Variants in KAZN observed in about 807,000 individuals in gnomAD.
KAZN encodes kazrin.
A neutral mutation model predicts 87.4 loss-of-function variants in KAZN; 40 were observed. The observed-to-expected ratio is 0.46, with a 90% CI of 0.36 to 0.60. KAZN has a LOEUF of 0.60. Among genes scored for constraint, KAZN ranks in the 20% least tolerant of loss-of-function variants. KAZN has a pLI of 0.00. For missense variants in KAZN, 898 were observed against 1,073.9 expected, an observed-to-expected ratio of 0.84 and a Z score of 2.29; for synonymous variants, 466 against 458.3, an observed-to-expected ratio of 1.02 and a Z score of -0.22.
chr1:14,086,784 G>A lies in KAZN; in HGVS notation c.92-93651G>A, dbSNP rs1000549120. On this transcript the variant is annotated intron_variant, in intron 1 of 16. Coordinates refer to the KAZN transcript ENST00000636203. ...TCTAGATACGGATATCCAATTGTTC[G>A]AGGATAATTTATTTAAAAGATTATC... Among the ~76,000 whole-genome samples, 20 of 152,188 alleles carry A rather than the reference G, an allele frequency of 1.3e-4. 2 individuals carry two copies. In the South Asian group the frequency reaches 3.5e-3, roughly 27 times the overall value.
intron 2 of KAZN, among the ~76,000 whole-genome samples, chr1:14,304,380 C>T (rs1196942384): frequency 1.3e-5 from 2 of 152,170 alleles, no homozygotes; most frequent in Non-Finnish European, 2.9e-5. Context: ...GAGAAAAGGA[C>T]TTACCCCAGC....
At chr1:15,019,243 C>A (rs1172202722) in intron 2 of KAZN, among the ~76,000 whole-genome samples, 1 of 152,208 alleles carries the variant, frequency 6.6e-6, no homozygotes, top group African/African-American at 2.4e-5. Context: ...CCAGCATCTG[C>A]CCCAGCCTTG....
intron 1 of KAZN, among the ~76,000 whole-genome samples, chr1:14,654,569 T>C (rs7530335): frequency 0.6 from 91,573 of 151,864 alleles, 27,852 homozygotes; most frequent in African/African-American, 0.65. Flanking sequence ...CACCCCAGCC[T>C]CCCACATTTC....
chr1:15,098,419 T>C (rs1386575561), intron 10 of KAZN, among the ~76,000 whole-genome samples: 1 of 152,240 alleles, frequency 6.6e-6, no homozygotes, highest in African/African-American at 2.4e-5. Flanking sequence ...ACATTAATTG[T>C]GGGCATGCAG....
At chr1:14,895,308 G>A (rs1274200753) in intron 1 of KAZN, among the ~76,000 whole-genome samples, 1 of 152,248 alleles carries the variant, frequency 6.6e-6, no homozygotes, top group Non-Finnish European at 1.5e-5. Context: ...TGCAGGATCT[G>A]GGCAACTCTG....
At chr1:14,514,617 A>ATTTTATATATTTTTTTATATTT (rs1557770547) in intron 2 of KAZN, among the ~76,000 whole-genome samples, 11 of 48,306 alleles carry the variant, frequency 2.3e-4, no homozygotes, top group African/African-American at 8.4e-4. Context: ...ATATATATAT[A>ATTTTATATATTTTTTTATATTT]TATATATATA....
chr1:13,937,016 C>A (rs1198634980), intron 1 of KAZN, among the ~76,000 whole-genome samples: 1 of 150,220 alleles, frequency 6.7e-6, no homozygotes, highest in Non-Finnish European at 1.5e-5. Flanking sequence ...TGAAAAATGT[C>A]CATTCATGTT....
chr1:14,706,274 T>C (rs1642203530), intron 1 of KAZN, among the ~76,000 whole-genome samples: 1 of 152,050 alleles, frequency 6.6e-6, no homozygotes, highest in Admixed American at 6.5e-5. Flanking sequence ...TACAATATAA[T>C]AATAATAAAG....
intron 1 of KAZN, among the ~76,000 whole-genome samples, chr1:14,874,850 A>AG (rs1652576703): frequency 6.6e-6 from 1 of 152,078 alleles, no homozygotes; most frequent in South Asian, 2.1e-4. Context: ...AGAAAATGAG[A>AG]GGAAAAAAAA....
intron 8 of KAZN, among the ~76,000 whole-genome samples, chr1:15,075,661 C>T (rs926017284): frequency 1.3e-5 from 2 of 152,166 alleles, no homozygotes; most frequent in Non-Finnish European, 2.9e-5. Flanking sequence ...AGGTGACAGA[C>T]ACCAGGTCAG....
intron 2 of KAZN, among the ~76,000 whole-genome samples, chr1:14,254,150 T>TA (rs1483110552): frequency 6.6e-6 from 1 of 152,218 alleles, no homozygotes; most frequent in Non-Finnish European, 1.5e-5. Context: ...GAGGAAGTTT[T>TA]ATTCTCATAC....
At chr1:14,666,039 TA>T (rs940830211) in intron 1 of KAZN, among the ~76,000 whole-genome samples, 139 of 144,676 alleles carry the variant, frequency 9.6e-4, no homozygotes, top group East Asian at 2.6e-3. Context: ...CCTTGGAATT[TA>T]AAAAAAAAAA....
At chr1:14,549,810 C>G (rs1673396160) in intron 2 of KAZN, among the ~76,000 whole-genome samples, 1 of 152,072 alleles carries the variant, frequency 6.6e-6, no homozygotes. Context: ...AAAAACCATG[C>G]CTCTTGGATG....
intron 1 of KAZN, among the ~76,000 whole-genome samples, chr1:14,123,356 C>G (rs558676943): frequency 6.6e-6 from 1 of 152,296 alleles, no homozygotes; most frequent in South Asian, 2.1e-4. Context: ...TGGTTGTCTC[C>G]AACAGCTGTC....
At chr1:14,075,996 T>A (rs891749915) in intron 1 of KAZN, among the ~76,000 whole-genome samples, 1 of 152,074 alleles carries the variant, frequency 6.6e-6, no homozygotes, top group African/African-American at 2.4e-5. Flanking sequence ...GAAAGGGAAA[T>A]GTAGACTGGG....
At chr1:14,135,445 G>C (rs1468827921) in intron 1 of KAZN, among the ~76,000 whole-genome samples, 1 of 152,138 alleles carries the variant, frequency 6.6e-6, no homozygotes, top group Non-Finnish European at 1.5e-5. Flanking sequence ...GCTCTCCAGG[G>C]AATAAAAATT....
intron 1 of KAZN, among the ~76,000 whole-genome samples, chr1:14,128,782 T>G (rs947002958): frequency 6.6e-6 from 1 of 152,150 alleles, no homozygotes. Flanking sequence ...TTTTTGTCTT[T>G]GGAGAGCTGA....
At chr1:14,147,365 T>A (rs1014173926) in intron 1 of KAZN, among the ~76,000 whole-genome samples, 6 of 152,222 alleles carry the variant, frequency 3.9e-5, no homozygotes, top group Non-Finnish European at 8.8e-5. Flanking sequence ...AAACCCTAGC[T>A]GTCTCATTTA....
intron 1 of KAZN, among the ~76,000 whole-genome samples, chr1:14,921,955 A>G (rs924938259): frequency 1.3e-5 from 2 of 151,768 alleles, no homozygotes; most frequent in African/African-American, 4.8e-5. Flanking sequence ...CAAGTCACCC[A>G]CCCTCTTCGG....
Sources: allele counts gnomAD v4.1 joint callset (sites outside exome capture counted in the v4.1 genomes callset), GRCh38; gene constraint gnomAD v4.1.1; transcripts MANE v1.5; gene names NCBI Gene and HGNC (gene_info 2026-07-23, HGNC 2026-07-21).